CDKN2B-AS1: variants seen among roughly 807,000 people sequenced by gnomAD.
The protein encoded by CDKN2B-AS1 is CDKN2B and CDKN2A antisense cis and trans regulatory RNA 1.
rs1821126223 is a variant in CDKN2B-AS1, at chr9:22,005,440, C to G, written n.29+10279C>G. The G allele has an allele frequency of 4.0e-6, 1 of 249,500 alleles. No individual in the cohort carries two copies. The highest frequency in any genetic ancestry group is 7.8e-6 in the Non-Finnish European group (1 of 127,870). The allele number at this position is 249,500 out of a possible 1,614,324, so 15.5% of individuals were successfully genotyped here. ...CCATGCGCTCAAACTAAAGCGCCGCCGGGGACTTACTGAAGCCCACCTCGG... is the reference window on the plus strand; with the variant it reads ...CCATGCGCTCAAACTAAAGCGCCGCGGGGGACTTACTGAAGCCCACCTCGG... On this transcript the variant is annotated intron_variant and non_coding_transcript_variant, in intron 1 of 4. Transcript: ENST00000650946. The surrounding 1 kb of genome is among the most constrained non-coding windows in gnomAD (Gnocchi z 4.9).
chr9:22,035,465 A>G (rs1160753148), intron 1 of CDKN2B-AS1, among the ~76,000 whole-genome samples: 1 of 152,114 alleles, frequency 6.6e-6, no homozygotes, highest in Non-Finnish European at 1.5e-5. Flanking sequence ...GGCGTCAAAC[A>G]TGGGTCTCAC....
intron 4 of CDKN2B-AS1, among the ~76,000 whole-genome samples, chr9:22,103,743 G>A (rs1825567613): frequency 6.6e-6 from 1 of 152,130 alleles, no homozygotes. Context: ...CCAACCCCCT[G>A]TATTGTACTC....
At chr9:22,007,743 A>G (rs1321299158) in intron 1 of CDKN2B-AS1, among the ~76,000 whole-genome samples, 3 of 152,234 alleles carry the variant, frequency 2.0e-5, no homozygotes, top group African/African-American at 7.2e-5. Context: ...AGGGGAAAAT[A>G]GCTGCTGTTA....
chr9:22,028,706 A>C (rs1311488713), intron 1 of CDKN2B-AS1, among the ~76,000 whole-genome samples: 1 of 152,192 alleles, frequency 6.6e-6, no homozygotes, highest in Non-Finnish European at 1.5e-5. Context: ...CTGAAACTTA[A>C]CAGCAAAGTA....
chr9:22,117,708 C>T (rs903164243), intron 4 of CDKN2B-AS1: 13 of 152,258 alleles, frequency 8.5e-5, no homozygotes, highest in African/African-American at 3.1e-4. Flanking sequence ...TGTGGAGAAA[C>T]AGGAAGGAAT....
chr9:22,090,736 G>A (rs991188086), intron 4 of CDKN2B-AS1, among the ~76,000 whole-genome samples: 50 of 151,876 alleles, frequency 3.3e-4, no homozygotes, highest in South Asian at 1.5e-3. Flanking sequence ...GCCCTTTGTT[G>A]GATGAGTAGA....
chr9:22,001,171 G>A lies in CDKN2B-AS1; in HGVS notation n.29+6010G>A, dbSNP rs1179387423. On this transcript the variant is annotated intron_variant and non_coding_transcript_variant, in intron 1 of 4. Transcript: ENST00000650946. This position sits in a 1 kb window ranked among gnomAD's most constrained non-coding sequence, Gnocchi z 4.2. ...TCATAATAGAGAACATTGATAATGA[G>A]AGGATAGATAGATTATGCATTTGGG... Among the ~76,000 whole-genome samples, 4 of 152,140 alleles carry A rather than the reference G, an allele frequency of 2.6e-5. No homozygotes were observed. Among genetic ancestry groups the A allele is most frequent in the Non-Finnish European group, 4.4e-5 (3 of 68,004 alleles).
At chr9:22,073,489 A>G (rs1391754864) in intron 4 of CDKN2B-AS1, among the ~76,000 whole-genome samples, 2 of 152,192 alleles carry the variant, frequency 1.3e-5, no homozygotes, top group Non-Finnish European at 2.9e-5. Context: ...CCACCCTAGC[A>G]CTATGAGTGA....
intron 1 of CDKN2B-AS1, among the ~76,000 whole-genome samples, chr9:22,013,477 T>C (rs1821602827): frequency 6.6e-6 from 1 of 152,146 alleles, no homozygotes; most frequent in South Asian, 2.1e-4. Context: ...GGGACAGGTT[T>C]CATTCACCTT....
intron 4 of CDKN2B-AS1, among the ~76,000 whole-genome samples, chr9:22,096,183 C>A (rs532533115): frequency 9.2e-5 from 14 of 152,110 alleles, no homozygotes; most frequent in Non-Finnish European, 1.9e-4. Flanking sequence ...TGTTATAGGA[C>A]AAATGTTGGG....
intron 1 of CDKN2B-AS1, among the ~76,000 whole-genome samples, chr9:22,015,268 C>T (rs897916123): frequency 6.6e-6 from 1 of 152,122 alleles, no homozygotes. Context: ...CTCTCCAGCA[C>T]CTGTTTTTTC....
intron 4 of CDKN2B-AS1, among the ~76,000 whole-genome samples, chr9:22,064,714 G>A (rs1209985848): frequency 2.0e-5 from 3 of 152,060 alleles, no homozygotes; most frequent in Non-Finnish European, 4.4e-5. Context: ...CTGAACATGG[G>A]CTGCCTCCTG....
intron 1 of CDKN2B-AS1, among the ~76,000 whole-genome samples, chr9:22,008,433 C>G (rs751219605): frequency 2.0e-5 from 3 of 152,170 alleles, no homozygotes; most frequent in Non-Finnish European, 2.9e-5. Flanking sequence ...TAAATCCAAT[C>G]TAGAATGCGT....
At chr9:22,063,873 T>G (rs1015001084) in intron 4 of CDKN2B-AS1, 5 of 152,294 alleles carry the variant, frequency 3.3e-5, no homozygotes, top group Non-Finnish European at 7.3e-5. Flanking sequence ...TATTTGCAGT[T>G]ATGATATTGG....
chr9:22,047,646 C>T (rs1230381411), intron 2 of CDKN2B-AS1, among the ~76,000 whole-genome samples: 4 of 152,116 alleles, frequency 2.6e-5, no homozygotes, highest in African/African-American at 9.7e-5. Context: ...GAAGATGTTA[C>T]ACATATACAT....
intron 3 of CDKN2B-AS1, among the ~76,000 whole-genome samples, chr9:22,051,668 G>A (rs528026927): frequency 3.0e-4 from 45 of 152,222 alleles, no homozygotes; most frequent in African/African-American, 1.1e-3. Context: ...AACTATGAAA[G>A]CTGTATGTAG....
chr9:22,114,532 C>T (rs1201977469), intron 4 of CDKN2B-AS1, among the ~76,000 whole-genome samples: 1 of 152,146 alleles, frequency 6.6e-6, no homozygotes, highest in Non-Finnish European at 1.5e-5. Context: ...AGAAGAAAAA[C>T]CTTAAGATTT....
intron 4 of CDKN2B-AS1, among the ~76,000 whole-genome samples, chr9:22,090,386 C>T (rs1288024534): frequency 6.6e-6 from 1 of 152,148 alleles, no homozygotes; most frequent in Non-Finnish European, 1.5e-5. Flanking sequence ...AGTTCTAGAT[C>T]CCTGAGGAAT....
chr9:22,005,879 A>T lies in CDKN2B-AS1; in HGVS notation n.29+10718A>T. On this transcript the variant is annotated intron_variant and non_coding_transcript_variant, in intron 1 of 4. Transcript: ENST00000650946. This position sits in a 1 kb window ranked among gnomAD's most constrained non-coding sequence, Gnocchi z 4.9. ...GAGTCTCAGACAGGCTTGCAGGCTT[A>T]CAGGCTTTCCGCCGCTCCCCGTTGG... 6.9e-7 allele frequency: 1 copy of T among 1,441,856 alleles called. No individual in the cohort carries two copies. The highest frequency in any genetic ancestry group is 9.4e-7 in the Non-Finnish European group (1 of 1,061,516). 89.3% of individuals were successfully genotyped at this position (1,441,856 alleles called of 1,614,324 possible).
Sources: gnomAD v4.1 joint callset for allele counts (sites outside exome capture counted in the v4.1 genomes callset) on GRCh38, gnomAD v4.1.1 for gene constraint, Gnocchi (gnomAD v3.1) non-coding constraint, MANE v1.5 for transcripts, NCBI Gene and HGNC (gene_info 2026-07-23, HGNC 2026-07-21) for gene names.